The following NBDY variants were observed in gnomAD, a reference collection of about 807,000 sequenced individuals.
The protein encoded by NBDY is negative regulator of P-body association.
intron 2 of NBDY, among the ~76,000 whole-genome samples, chrX:56,814,925 A>T (rs1404292036): frequency 1.8e-5 from 2 of 111,026 alleles, no homozygotes; most frequent in African/African-American, 6.5e-5. Context: ...GCTAATAGAG[A>T]ATATATTTTT....
chrX:56,797,560 A>G (rs1488373597), intron 2 of NBDY, among the ~76,000 whole-genome samples: 1 of 110,969 alleles, frequency 9.0e-6, no homozygotes, highest in Non-Finnish European at 1.9e-5. Flanking sequence ...ATGTCATGGT[A>G]AACACACCCT....
At position 56,819,043 on chromosome X, in the gene NBDY, T is replaced by G. The variant is rs1463091021; in HGVS notation, c.*1890T>G. ...CCCTACCTCATGCAAAATACAAAAATTAACTCAAAATAGGCCAAAGACTCA... is the reference window on the plus strand; with the variant it reads ...CCCTACCTCATGCAAAATACAAAAAGTAACTCAAAATAGGCCAAAGACTCA... On this transcript the variant is annotated 3_prime_UTR_variant, in exon 3 of 3. Transcript: ENST00000374922. The G allele has an allele frequency of 2.1e-5, 2 of 96,454 alleles. No individual in the cohort carries two copies. Among genetic ancestry groups the G allele is most frequent in the Non-Finnish European group, 4.3e-5 (2 of 46,566 alleles). 7.9% of individuals were successfully genotyped at this position (96,454 alleles called of 1,213,427 possible). A position where few individuals can be genotyped will look rare whatever the true frequency, so the allele number is the denominator to read the frequency against.
At chrX:56,785,116 C>T (rs180707579) in intron 2 of NBDY, among the ~76,000 whole-genome samples, 6 of 111,115 alleles carry the variant, frequency 5.4e-5, no homozygotes, top group Non-Finnish European at 9.4e-5. Context: ...ACATCAATCT[C>T]GGGTGTGGGC....
chrX:56,783,374 G>A (rs2069707230), intron 2 of NBDY, among the ~76,000 whole-genome samples: 1 of 113,157 alleles, frequency 8.8e-6, no homozygotes, highest in Non-Finnish European at 1.9e-5. Flanking sequence ...TGTGGCCCCA[G>A]CCAAGGGCAT....
At chrX:56,731,823 A>G (rs1433479156) in intron 1 of NBDY, among the ~76,000 whole-genome samples, 1 of 111,626 alleles carries the variant, frequency 9.0e-6, no homozygotes, top group Non-Finnish European at 1.9e-5. Flanking sequence ...ATGACTTGCC[A>G]CAAGTTACAC....
chrX:56,744,324 GT>G (rs1349006437), intron 2 of NBDY, among the ~76,000 whole-genome samples: 1 of 111,640 alleles, frequency 9.0e-6, no homozygotes, highest in African/African-American at 3.2e-5. Flanking sequence ...GAAATGTTCT[GT>G]AAATATCTGT....
chrX:56,761,805 G>T (rs2069638669), intron 2 of NBDY, among the ~76,000 whole-genome samples: 1 of 112,098 alleles, frequency 8.9e-6, no homozygotes, highest in Non-Finnish European at 1.9e-5. Flanking sequence ...TAATCGGGGT[G>T]CCCCTCTCCT....
intron 2 of NBDY, among the ~76,000 whole-genome samples, chrX:56,793,111 C>T (rs1328528019): frequency 1.8e-5 from 2 of 111,788 alleles, no homozygotes; most frequent in African/African-American, 3.3e-5. Context: ...AGGGAGACTC[C>T]GGGATTCTGG....
At chrX:56,787,889 C>T (rs1254808444) in intron 2 of NBDY, among the ~76,000 whole-genome samples, 1 of 112,731 alleles carries the variant, frequency 8.9e-6, no homozygotes, top group African/African-American at 3.2e-5. Context: ...AGTTGGCAAA[C>T]TCTACCTGCA....
chrX:56,757,611 TAGG>T (rs1289599488), intron 2 of NBDY, among the ~76,000 whole-genome samples: 1 of 110,464 alleles, frequency 9.1e-6, no homozygotes, highest in African/African-American at 3.3e-5. Context: ...CCTGCAAAAG[TAGG>T]AGGATTCTCT....
intron 2 of NBDY, among the ~76,000 whole-genome samples, chrX:56,792,344 T>TC (rs774106590): frequency 8.1e-5 from 9 of 111,494 alleles, no homozygotes; most frequent in Non-Finnish European, 1.5e-4. Flanking sequence ...TGGCAACTTG[T>TC]CCTCTGTCTC....
intron 2 of NBDY, among the ~76,000 whole-genome samples, chrX:56,733,183 T>C (rs2069468838): frequency 9.0e-6 from 1 of 111,067 alleles, no homozygotes; most frequent in Admixed American, 9.6e-5. Flanking sequence ...ATTTCTCTTA[T>C]GATTTTTTTG....
chrX:56,794,074 T>C (rs374260272), intron 2 of NBDY, among the ~76,000 whole-genome samples: 8 of 112,276 alleles, frequency 7.1e-5, no homozygotes, highest in African/African-American at 2.6e-4. Context: ...ACCCTGTGGG[T>C]TGACTGGTCT....
chrX:56,741,447 A>G (rs767415969), intron 2 of NBDY, among the ~76,000 whole-genome samples: 5 of 111,960 alleles, frequency 4.5e-5, no homozygotes, highest in African/African-American at 1.6e-4. Flanking sequence ...GTACTAATTT[A>G]CATTCCCATC....
chrX:56,736,785 A>G (rs1432763931), intron 2 of NBDY, among the ~76,000 whole-genome samples: 1 of 112,270 alleles, frequency 8.9e-6, no homozygotes, highest in African/African-American at 3.2e-5. Context: ...TTACTTAAGT[A>G]TACCTATGTT....
rs10623590 is a variant in NBDY, at chrX:56,764,702, CA to C, written c.*166+32523del. Reference sequence around the variant, plus strand: ...TGGTGCCAAAAACCAAAACAAACACCAAAAAAAAAAAAAAAAAAAAGAAACT... The same window carrying C: ...TGGTGCCAAAAACCAAAACAAACACCAAAAAAAAAAAAAAAAAAAGAAACT... On this transcript the variant is annotated intron_variant, in intron 2 of 2. Transcript: ENST00000374922. Among the ~76,000 whole-genome samples, 284 of 60,791 alleles carry C rather than the reference CA, an allele frequency of 4.7e-3. 1 individual carries two copies. The highest frequency in any genetic ancestry group is 0.017 in the South Asian group (13 of 787). The allele number at this position is 60,791 out of a possible 115,157, so 52.8% of individuals were successfully genotyped here. A position where few individuals can be genotyped will look rare whatever the true frequency, so the allele number is the denominator to read the frequency against.
intron 2 of NBDY, among the ~76,000 whole-genome samples, chrX:56,796,155 G>A (rs749628658): frequency 8.9e-6 from 1 of 112,204 alleles, no homozygotes; most frequent in South Asian, 3.8e-4. Flanking sequence ...TGTTCAGGAT[G>A]GGGTTGGGGT....
chrX:56,809,466 T>G (rs1010278731), intron 2 of NBDY, among the ~76,000 whole-genome samples: 4 of 112,345 alleles, frequency 3.6e-5, no homozygotes, highest in Admixed American at 1.9e-4. Context: ...ATATTGAGGA[T>G]AGTTAGCTCT....
chrX:56,813,021 C>G (rs1161010840), intron 2 of NBDY, among the ~76,000 whole-genome samples: 1 of 110,234 alleles, frequency 9.1e-6, no homozygotes, highest in Non-Finnish European at 1.9e-5. Context: ...TGGGGAACAT[C>G]ACACACCGGG....
Sources: allele counts gnomAD v4.1 joint callset (sites outside exome capture counted in the v4.1 genomes callset), GRCh38; gene constraint gnomAD v4.1.1; transcripts MANE v1.5; gene names NCBI Gene and HGNC (gene_info 2026-07-23, HGNC 2026-07-21).